Variants in GTF3C4 observed in about 807,000 individuals in gnomAD.
GTF3C4 encodes general transcription factor 3C polypeptide 4.
In GTF3C4, 28 loss-of-function variants were observed where a neutral mutation model predicts 67.5. The observed-to-expected ratio is 0.41, with a 90% confidence interval of 0.31 to 0.57. The LOEUF (loss-of-function observed/expected upper bound fraction) is 0.57. Among genes scored for constraint, GTF3C4 ranks in the 20% least tolerant of loss-of-function variants. The pLI is 0.21. For missense variants in GTF3C4, 831 were observed against 1,033.2 expected, an observed-to-expected ratio of 0.80 and a Z score of 2.68; for synonymous variants, 409 against 393.0, an observed-to-expected ratio of 1.04 and a Z score of -0.48.
chr9:132,688,807 A>G (rs561122891), intron 4 of GTF3C4, 74 bp from the exon 5 acceptor site: 50 of 1,080,562 alleles, frequency 4.6e-5, no homozygotes, highest in Non-Finnish European at 6.4e-5. Context: ...TCTCAACGCT[A>G]CAGTCCGGTA....
intron 1 of GTF3C4, among the ~76,000 whole-genome samples, chr9:132,672,137 CAGAT>C (rs1835787574): frequency 6.6e-6 from 1 of 152,092 alleles, no homozygotes; most frequent in Admixed American, 6.6e-5. Flanking sequence ...GTAAACAAAT[CAGAT>C]AGACAGATGC....
At chr9:132,686,604 G>A (rs1277442136) in intron 3 of GTF3C4, among the ~76,000 whole-genome samples, 2 of 152,208 alleles carry the variant, frequency 1.3e-5, no homozygotes, top group African/African-American at 4.8e-5. Flanking sequence ...GATGGTCAGA[G>A]AATAATCCTT....
chr9:132,688,874 T>C lies in GTF3C4; in HGVS notation c.2405-7T>C. ...AACAGTTGATACCACTTGTCCTCCT[T>C]TTGCAGATCCCGACTGGATTAAGAG... On this transcript the variant is annotated splice_polypyrimidine_tract_variant and splice_region_variant and intron_variant, in intron 4 of 4. Coordinates refer to ENST00000372146, the MANE Select transcript of GTF3C4 (RefSeq NM_012204.4). 3.1e-6 allele frequency: 5 copies of C among 1,607,714 alleles called. No homozygotes were observed. The highest frequency in any genetic ancestry group is 1.3e-5 in the African/African-American group (1 of 74,946).
chr9:132,683,743 A>G, intron 3 of GTF3C4, 50 bp downstream of exon 3: 1 of 1,557,968 alleles, frequency 6.4e-7, no homozygotes, highest in Non-Finnish European at 8.7e-7. Context: ...AGTTTTGTGT[A>G]GCACAAACTA....
chr9:132,676,573 G>C lies in GTF3C4; in HGVS notation c.358-1404G>C, dbSNP rs564251556. On this transcript the variant is annotated intron_variant, in intron 1 of 4. Coordinates refer to ENST00000372146, the MANE Select transcript of GTF3C4 (RefSeq NM_012204.4). Reference sequence around the variant, plus strand: ...TGGTCTCCAGTGATCCACCTACCTCGGCCTCCCAAAGTGCTGGGAGTACAG... The same window carrying C: ...TGGTCTCCAGTGATCCACCTACCTCCGCCTCCCAAAGTGCTGGGAGTACAG... Among the ~76,000 whole-genome samples, 3 of 150,810 alleles carry C rather than the reference G, an allele frequency of 2.0e-5. No individual in the cohort carries two copies. The East Asian group carries it at 5.9e-4, about 30-fold the overall frequency.
Position 132,693,596 on chromosome 9 carries a change from CTTATTT to C in GTF3C4, c.*4655_*4660del, listed in dbSNP as rs1796496093. Reference sequence around the variant, plus strand: ...AAAGTTTAGAACTCTAAATCTTATGCTTATTTTTAAAGTAAAAAGTTGCCTCACTGT... The same window carrying C: ...AAAGTTTAGAACTCTAAATCTTATGCTTAAAGTAAAAAGTTGCCTCACTGT... On this transcript the variant is annotated 3_prime_UTR_variant, in exon 5 of 5. Transcript: ENST00000372146. 1 of 151,972 alleles carries C rather than the reference CTTATTT, an allele frequency of 6.6e-6. No individual in the cohort carries two copies. Among genetic ancestry groups the C allele is most frequent in the Admixed American group, 6.6e-5 (1 of 15,260 alleles). 9.4% of individuals were successfully genotyped at this position (151,972 alleles called of 1,614,324 possible). A position where few individuals can be genotyped will look rare whatever the true frequency, so the allele number is the denominator to read the frequency against.
intron 4 of GTF3C4, 21 bp from the exon 5 acceptor site, chr9:132,688,860 C>T (rs746388022): frequency 3.1e-6 from 5 of 1,587,780 alleles, no homozygotes; most frequent in East Asian, 2.2e-5. Flanking sequence ...ACAGTTGATA[C>T]CACTTGTCCT....
chr9:132,693,430 T>C lies in GTF3C4; in HGVS notation c.*4485T>C, dbSNP rs752647844. 3.3e-5 allele frequency: 5 copies of C among 152,222 alleles called. No homozygotes were observed. The highest frequency in any genetic ancestry group is 7.2e-5 in the African/African-American group (3 of 41,452). The allele number at this position is 152,222 out of a possible 1,614,324, so 9.4% of individuals were successfully genotyped here. ...AACCAGAGAGTTGTTTAGATCAATA[T>C]GATATGCTTTGCCAACATGATCTAA... On this transcript the variant is annotated 3_prime_UTR_variant, in exon 5 of 5. Coordinates refer to ENST00000372146, the MANE Select transcript of GTF3C4 (RefSeq NM_012204.4).
rs753451066 is a variant in GTF3C4 at position 132,687,332 on chromosome 9, G to A, written c.2404+5G>A. 8 of 868,478 alleles carry A rather than the reference G, an allele frequency of 9.2e-6. 1 individual carries two copies. The highest frequency in any genetic ancestry group is 7.8e-5 in the South Asian group (6 of 76,840). The allele number at this position is 868,478 out of a possible 1,614,324, so 53.8% of individuals were successfully genotyped here. A position where few individuals can be genotyped will look rare whatever the true frequency, so the allele number is the denominator to read the frequency against. ...CCCGGCATCCAGCTCCAGAAGGTGA[G>A]TGCTTTCCCTTACTTGGGAGGGTGG... On this transcript the variant is annotated splice_donor_5th_base_variant and intron_variant, in intron 4 of 4. Transcript: ENST00000372146.
Position 132,693,695 on chromosome 9 carries a change from G to A in GTF3C4, c.*4750G>A, listed in dbSNP as rs988854444. On this transcript the variant is annotated 3_prime_UTR_variant, in exon 5 of 5. Coordinates refer to ENST00000372146, the MANE Select transcript of GTF3C4 (RefSeq NM_012204.4). ...AATGGTCAAATTGGATAATGTAAGA[G>A]ATAATGATGGCTTTGAGGCATTTCA... is the stretch of plus-strand genomic sequence containing the variant. 6.6e-6 allele frequency: 1 copy of A among 152,038 alleles called. No homozygotes were observed. Among genetic ancestry groups the A allele is most frequent in the East Asian group, 1.9e-4 (1 of 5,190 alleles). The allele number at this position is 152,038 out of a possible 1,614,324, so 9.4% of individuals were successfully genotyped here.
At chr9:132,674,787 T>C (rs938608014) in intron 1 of GTF3C4, among the ~76,000 whole-genome samples, 1 of 152,206 alleles carries the variant, frequency 6.6e-6, no homozygotes, top group Non-Finnish European at 1.5e-5. Context: ...CCCAACACTT[T>C]GGAAGGCCAA....
Position 132,694,798 on chromosome 9 carries a change from A to T in GTF3C4, c.*5853A>T, listed in dbSNP as rs1390356914. 6.6e-6 allele frequency: 1 copy of T among 152,174 alleles called. No individual in the cohort carries two copies. The highest frequency in any genetic ancestry group is 1.5e-5 in the Non-Finnish European group (1 of 68,040). 9.4% of individuals were successfully genotyped at this position (152,174 alleles called of 1,614,324 possible). A position where few individuals can be genotyped will look rare whatever the true frequency, so the allele number is the denominator to read the frequency against. ...TTGCTTACATGATTCTGGTACTTAGAGTCTAATAGAGTTGCTGTGAATATG... is the reference window on the plus strand; with the variant it reads ...TTGCTTACATGATTCTGGTACTTAGTGTCTAATAGAGTTGCTGTGAATATG... On this transcript the variant is annotated 3_prime_UTR_variant, in exon 5 of 5. Transcript: ENST00000372146.
At chr9:132,670,230 G>A, upstream of GTF3C4, 1 of 1,536,670 alleles carries the variant, frequency 6.5e-7, no homozygotes, top group Admixed American at 2.0e-5. Flanking sequence ...ATGCCTCTGA[G>A]AAGCGAGATC....
chr9:132,670,633 C>A lies in GTF3C4; in HGVS notation c.35C>A (p.Ala12Glu). Reference protein sequence around the residue: ...NTADQARVGPADDGPAPSGEE... With the variant: ...NTADQARVGPEDDGPAPSGEE... Reference sequence around the variant, plus strand: ...GCCGACCAGGCCCGGGTGGGGCCCGCGGACGACGGGCCTGCGCCGTCTGGG... The same window carrying A: ...GCCGACCAGGCCCGGGTGGGGCCCGAGGACGACGGGCCTGCGCCGTCTGGG... The change falls in exon 1 of 5, where the codon GCG becomes GAG. Residue 12 changes from alanine (A) to glutamate (E), a missense_variant. Physicochemically the swap from Ala to Glu is moderately radical, Grantham distance 107. Coordinates refer to ENST00000372146, the MANE Select transcript of GTF3C4 (RefSeq NM_012204.4). 1 of 1,447,538 alleles carries A rather than the reference C, an allele frequency of 6.9e-7. No homozygotes were observed. 89.7% of individuals were successfully genotyped at this position (1,447,538 alleles called of 1,614,324 possible).
Position 132,683,556 on chromosome 9 carries a change from T to C in GTF3C4, c.2185-7T>C, listed in dbSNP as rs376778685. ...ACTAAACTTTGCTGACTACTTTGTC[T>C]TACTAGGTGCTGATTGGACATATCT... On this transcript the variant is annotated splice_polypyrimidine_tract_variant and splice_region_variant and intron_variant, in intron 2 of 4. Transcript: ENST00000372146. The C allele has an allele frequency of 5.0e-6, 8 of 1,608,538 alleles. No individual in the cohort carries two copies. The highest frequency in any genetic ancestry group is 6.8e-6 in the Non-Finnish European group (8 of 1,178,682).
At chr9:132,673,509 C>T (rs1835820019) in intron 1 of GTF3C4, among the ~76,000 whole-genome samples, 1 of 151,400 alleles carries the variant, frequency 6.6e-6, no homozygotes, top group African/African-American at 2.4e-5. Flanking sequence ...GTTGACCCTG[C>T]AGTTCTACAA....
chr9:132,687,362 G>GT (rs761765591), intron 4 of GTF3C4, 35 bp downstream of exon 4: 2 of 183,610 alleles, frequency 1.1e-5, no homozygotes, highest in East Asian at 1.4e-4. Context: ...GGGTGGGTGG[G>GT]TGGAACATGC....
chr9:132,678,239 A>G lies in GTF3C4; in HGVS notation c.620A>G (p.Asp207Gly). Residue 207 changes from aspartate (D) to glycine (G), a missense_variant, in exon 2 of 5, where the codon GAC becomes GGC. By Grantham distance (94) the Asp-to-Gly change is moderately conservative (BLOSUM62 -1). This residue lies in a region of GTF3C4 where 390 missense variants were observed against 540.3 expected (regional missense o/e 0.72). Transcript: ENST00000372146. The surrounding 1 kb of genome is among the most constrained non-coding windows in gnomAD (Gnocchi z 6.5). ...AGACTGCAGTGGGTCCAGCTGGTTG[A>G]CCTGACTGAGATCTATGGAGAACGT... ...LNRLQWVQLV[D>G]LTEIYGERLY... 1 of 1,614,238 alleles carries G rather than the reference A, an allele frequency of 6.2e-7. No individual in the cohort carries two copies. The highest frequency in any genetic ancestry group is 1.1e-5 in the South Asian group (1 of 91,088).
chr9:132,673,687 A>C (rs1042257036), intron 1 of GTF3C4, among the ~76,000 whole-genome samples: 5 of 152,226 alleles, frequency 3.3e-5, no homozygotes, highest in African/African-American at 1.2e-4. Context: ...CGCAGATGAC[A>C]GTTTTAGTGT....
Sources: gnomAD v4.1 joint callset for allele counts (sites outside exome capture counted in the v4.1 genomes callset) on GRCh38, gnomAD v4.1.1 for gene constraint, gnomAD v4.1.1 regional missense constraint, Gnocchi (gnomAD v3.1) non-coding constraint, MANE v1.5 for transcripts, NCBI Gene and HGNC (gene_info 2026-07-23, HGNC 2026-07-21) for gene names.